Variants in C4orf36 observed in about 807,000 individuals in gnomAD.
C4orf36 encodes the protein chromosome 4 open reading frame 36.
A neutral mutation model predicts 12.2 loss-of-function variants in C4orf36; 11 were observed. The observed-to-expected ratio is 0.90, with a 90% CI of 0.57 to 1.49. The LOEUF (loss-of-function observed/expected upper bound fraction) is 1.49. Ranked by LOEUF, C4orf36 falls within the 40% of genes most tolerant of loss-of-function variation. The probability of loss-of-function intolerance (pLI) is 0.00; values close to 1 mark genes in which losing one functional copy is unlikely to be tolerated. For synonymous variants in C4orf36, 54 were observed against 51.3 expected, an observed-to-expected ratio of 1.05 and a Z score of -0.22; for missense variants, 137 against 133.9, an observed-to-expected ratio of 1.02 and a Z score of -0.11.
At chr4:86,909,109 C>G in the C4orf36 span, among the ~76,000 whole-genome samples, 1 of 152,172 alleles carries the variant, frequency 6.6e-6, no homozygotes. Context: ...TCACATCTAT[C>G]TCCCATGACC....
chr4:86,888,940 A>G (rs887057535), intron 2 of C4orf36, among the ~76,000 whole-genome samples: 1 of 152,120 alleles, frequency 6.6e-6, no homozygotes, highest in African/African-American at 2.4e-5. Flanking sequence ...TTATCATCTA[A>G]CTTTCAGGAG....
the C4orf36 span, among the ~76,000 whole-genome samples, chr4:86,916,365 CAA>C: frequency 0.46 from 44,045 of 95,358 alleles, 6,737 homozygotes; most frequent in Middle Eastern, 0.6. Flanking sequence ...TATGTGGATG[CAA>C]AAAAAAAAAA....
the C4orf36 span, among the ~76,000 whole-genome samples, chr4:86,931,835 AC>A: frequency 2.0e-5 from 3 of 151,590 alleles, no homozygotes; most frequent in Admixed American, 6.6e-5. Flanking sequence ...GGAGATTGAG[AC>A]CATCCTGTCT....
chr4:86,922,177 G>A, the C4orf36 span, among the ~76,000 whole-genome samples: 2 of 152,122 alleles, frequency 1.3e-5, no homozygotes, highest in East Asian at 3.8e-4. Context: ...CCACAGGGTG[G>A]TTAATCTACT....
the C4orf36 span, among the ~76,000 whole-genome samples, chr4:86,907,493 G>A: frequency 6.6e-6 from 1 of 152,084 alleles, no homozygotes; most frequent in Admixed American, 6.5e-5. Context: ...ATGAACCCCT[G>A]AACTTAAAAT....
At chr4:86,931,675 G>A in the C4orf36 span, among the ~76,000 whole-genome samples, 1 of 152,146 alleles carries the variant, frequency 6.6e-6, no homozygotes, top group Non-Finnish European at 1.5e-5. Context: ...CTGGGATTCT[G>A]AACGTGATCA....
chr4:86,933,308 GA>G, the C4orf36 span: 1 of 152,160 alleles, frequency 6.6e-6, no homozygotes. Flanking sequence ...GGAATGTCAT[GA>G]AAATAGGAGC....
At chr4:86,913,666 A>G in the C4orf36 span, 2 of 1,599,884 alleles carry the variant, frequency 1.3e-6, no homozygotes, top group Non-Finnish European at 1.7e-6. Context: ...TCAGCAACAG[A>G]CATGGTGCTG....
At chr4:86,932,742 C>A in the C4orf36 span, among the ~76,000 whole-genome samples, 1 of 112,154 alleles carries the variant, frequency 8.9e-6, no homozygotes, top group South Asian at 2.9e-4. Context: ...GTCCCATCAT[C>A]ATATTTAAAA....
At chr4:86,933,174 T>C in the C4orf36 span, 2 of 150,322 alleles carry the variant, frequency 1.3e-5, no homozygotes, top group African/African-American at 4.9e-5. Context: ...TGGCTATCCT[T>C]TTTTATTCAT....
chr4:86,921,512 CT>C, the C4orf36 span, among the ~76,000 whole-genome samples: 9 of 152,002 alleles, frequency 5.9e-5, no homozygotes, highest in South Asian at 2.1e-4. Context: ...TAGCCATTTT[CT>C]TTTTTCCCCC....
upstream of C4orf36, among the ~76,000 whole-genome samples, chr4:86,896,664 A>G (rs1747596600): frequency 6.6e-6 from 1 of 152,120 alleles, no homozygotes; most frequent in Non-Finnish European, 1.5e-5. Flanking sequence ...CAGTACTCTC[A>G]GTGGCTCTGT....
At chr4:86,913,125 A>G in the C4orf36 span, 1 of 210,588 alleles carries the variant, frequency 4.7e-6, no homozygotes, top group Non-Finnish European at 9.5e-6. Context: ...TATTCAAACA[A>G]AACCACATGG....
chr4:86,895,234 T>C (rs576568890), upstream of C4orf36, among the ~76,000 whole-genome samples: 1 of 152,182 alleles, frequency 6.6e-6, no homozygotes, highest in African/African-American at 2.4e-5. Flanking sequence ...GAGGATCCCT[T>C]GAGCCCAGGA....
chr4:86,886,733 T>C (rs1184792556), intron 4 of C4orf36: 2 of 152,162 alleles, frequency 1.3e-5, no homozygotes, highest in Non-Finnish European at 2.9e-5. Context: ...GAACTAGAAA[T>C]ACCATTTGAC....
At chr4:86,899,883 C>T in the C4orf36 span, among the ~76,000 whole-genome samples, 1 of 152,204 alleles carries the variant, frequency 6.6e-6, no homozygotes, top group Admixed American at 6.5e-5. Flanking sequence ...ACTTCAAATT[C>T]CAGAAAATGC....
At chr4:86,880,106 G>T (rs1466071532) in intron 4 of C4orf36, among the ~76,000 whole-genome samples, 1 of 152,048 alleles carries the variant, frequency 6.6e-6, no homozygotes, top group Non-Finnish European at 1.5e-5. Context: ...CTCCCACCTT[G>T]GCCTCCCAAC....
intron 4 of C4orf36, among the ~76,000 whole-genome samples, chr4:86,882,877 C>G (rs7687489): frequency 0.043 from 6,609 of 152,222 alleles, 500 homozygotes; most frequent in African/African-American, 0.15. Context: ...GTGATACACG[C>G]CCTGGGAGGC....
the C4orf36 span, among the ~76,000 whole-genome samples, chr4:86,902,450 A>T: frequency 6.6e-6 from 1 of 151,180 alleles, no homozygotes; most frequent in East Asian, 1.9e-4. Flanking sequence ...AAAGAAAGAA[A>T]GAAAGAAAAA....
Sources: allele counts gnomAD v4.1 joint callset (sites outside exome capture counted in the v4.1 genomes callset), GRCh38; gene constraint gnomAD v4.1.1; transcripts MANE v1.5; gene names NCBI Gene and HGNC (gene_info 2026-07-23, HGNC 2026-07-21).